Variants in C5 observed in about 807,000 individuals in gnomAD.
The protein encoded by C5 is complement C5.
In C5, 140 loss-of-function variants were observed where a neutral mutation model predicts 218.8. The ratio of observed to expected loss-of-function variants is 0.64; its 90% CI spans 0.56 to 0.74. The LOEUF is 0.74. C5 is among the 30% of genes least tolerant of loss of function. The probability of loss-of-function intolerance (pLI) is 0.00; values close to 1 mark genes in which losing one functional copy is unlikely to be tolerated. For synonymous variants in C5, 614 were observed against 682.3 expected (o/e 0.90, Z 1.56); for missense variants, 1,700 against 1,969.6 (o/e 0.86, Z 2.59).
Position 121,027,173 on chromosome 9 carries a change from A to T in C5, c.860T>A (p.Met287Lys). 1 of 1,567,370 alleles carries T rather than the reference A, an allele frequency of 6.4e-7. No homozygotes were observed. The highest frequency in any genetic ancestry group is 8.8e-7 in the Non-Finnish European group (1 of 1,141,436). Residue 287 changes from methionine (M) to lysine (K), a missense_variant, in exon 8 of 41, where the codon ATG becomes AAG. Coordinates refer to ENST00000223642, the MANE Select transcript of C5 (RefSeq NM_001735.3). ...TTAACATCTTACCATTGTGTTTTGC[A>T]TTGCTGTTTGCATCATTTCTTTTTG... is the stretch of plus-strand genomic sequence containing the variant. ...DDQKEMMQTA[M>K]QNTMLINGIA...
chr9:121,018,712 A>AG (rs1434618721), intron 12 of C5, among the ~76,000 whole-genome samples: 7 of 140,740 alleles, frequency 5.0e-5, no homozygotes, highest in Non-Finnish European at 7.7e-5. Flanking sequence ...AAGAAAGAAA[A>AG]GAAAGAAAGA....
chr9:120,997,789 A>T lies in C5; in HGVS notation c.2563-15T>A, dbSNP rs549648925. 5.9e-4 allele frequency: 942 copies of T among 1,601,950 alleles called. 5 individuals are homozygous for T. The African/African-American group carries it at 0.011, about 19-fold the overall frequency. The stretch of plus-strand genomic sequence containing the variant: ...TTAACACAGAACTGAAATACAAGTG[A>T]AGAATTATATCAAAATACATTTTTT... On this transcript the variant is annotated splice_polypyrimidine_tract_variant and intron_variant, in intron 20 of 40. Transcript: ENST00000223642.
chr9:121,015,855 G>A (rs2047302637), intron 15 of C5, among the ~76,000 whole-genome samples: 1 of 152,160 alleles, frequency 6.6e-6, no homozygotes, highest in South Asian at 2.1e-4. Context: ...TAAATTCTAT[G>A]TGGGGAAGAG....
At chr9:121,022,527 G>A (rs75678136) in intron 10 of C5, among the ~76,000 whole-genome samples, 2,017 of 148,292 alleles carry the variant, frequency 0.014, 42 homozygotes, top group African/African-American at 0.047. Flanking sequence ...ACCTTGCTTT[G>A]GGCTTGGTAA....
In C5 at chr9:120,993,468, G is replaced by A. The variant is rs1419960073; in HGVS notation, c.2852-2188C>T. On this transcript the variant is annotated intron_variant, in intron 22 of 40. Transcript: ENST00000223642. ...GACGGAGTCTCGCTCTGTCGCCCAG[G>A]CTGGAGTGCAGTGGCGTGATCTTGG... 2.6e-5 allele frequency among the ~76,000 whole-genome samples: 4 copies of A among 152,116 alleles called. No individual in the cohort carries two copies. In the East Asian group the frequency reaches 7.7e-4, roughly 29 times the overall value.
Position 120,997,637 on chromosome 9 carries a change from C to A in C5, c.2700G>T (p.Val900=). 1 of 1,614,158 alleles carries A rather than the reference C, an allele frequency of 6.2e-7. No homozygotes were observed. Among genetic ancestry groups the A allele is most frequent in the Non-Finnish European group, 8.5e-7 (1 of 1,180,014 alleles). Residue 900 remains valine (V), a synonymous_variant, in exon 21 of 41, where the codon GTG becomes GTT. Coordinates refer to ENST00000223642, the MANE Select transcript of C5 (RefSeq NM_001735.3). ...GSSSHLVTFT[V]LPLEIGLHNI... ...TGTGAAGGCCAATTTCCAGAGGAAG[C>A]ACAGTGAATGTCACCAAGTGACTGG...
the C5 span, among the ~76,000 whole-genome samples, chr9:121,060,432 T>C: frequency 6.6e-6 from 1 of 152,216 alleles, no homozygotes; most frequent in African/African-American, 2.4e-5. Flanking sequence ...ATGCGATCTT[T>C]CTTAGCACTG....
At chr9:121,005,841 T>A in intron 20 of C5, 78 bp downstream of exon 20, 1 of 1,435,612 alleles carries the variant, frequency 7.0e-7, no homozygotes, top group Non-Finnish European at 9.8e-7. Context: ...CTTTTTTGTG[T>A]ATGGTAATTC....
At chr9:120,979,571 T>C (rs1367043096) in intron 28 of C5, 1 of 175,142 alleles carries the variant, frequency 5.7e-6, no homozygotes, top group Non-Finnish European at 1.2e-5. Context: ...CATAGGATAC[T>C]CAATGCATAT....
At chr9:121,014,187 A>G in intron 16 of C5, 117 bp from the exon 17 acceptor site, 2 of 829,784 alleles carry the variant, frequency 2.4e-6, no homozygotes, top group Non-Finnish European at 4.0e-6. Context: ...TACCCACAAT[A>G]GTTATGGCTA....
chr9:120,973,342 C>A (rs551093783), intron 30 of C5, among the ~76,000 whole-genome samples: 1 of 152,316 alleles, frequency 6.6e-6, no homozygotes, highest in South Asian at 2.1e-4. Context: ...AGACTCAGAA[C>A]ATGAATCTCC....
intron 1 of C5, among the ~76,000 whole-genome samples, chr9:121,047,261 G>A (rs10739585): frequency 2.0e-5 from 3 of 151,964 alleles, no homozygotes. Flanking sequence ...GCCTTTATAT[G>A]AGTTCTCAGT....
chr9:120,953,662 G>A (rs2046763646), intron 40 of C5, 68 bp downstream of exon 40: 8 of 1,460,642 alleles, frequency 5.5e-6, no homozygotes, highest in African/African-American at 1.4e-5. Flanking sequence ...AACACGTAGT[G>A]TATTTAAGAA....
At chr9:120,968,620 A>AGCCCG (rs1564133966) in intron 33 of C5, among the ~76,000 whole-genome samples, 1 of 152,148 alleles carries the variant, frequency 6.6e-6, no homozygotes, top group Non-Finnish European at 1.5e-5. Context: ...TGACCTCTGG[A>AGCCCG]GCCCGGGACA....
At chr9:120,985,428 G>A (rs1460109396) in intron 25 of C5, among the ~76,000 whole-genome samples, 1 of 152,066 alleles carries the variant, frequency 6.6e-6, no homozygotes, top group Non-Finnish European at 1.5e-5. Flanking sequence ...CATTCCTTAT[G>A]TTCCAGCAAT....
At chr9:121,060,964 G>C in the C5 span, among the ~76,000 whole-genome samples, 1 of 152,146 alleles carries the variant, frequency 6.6e-6, no homozygotes, top group Non-Finnish European at 1.5e-5. Flanking sequence ...GAGGCAGGCA[G>C]ATCACCTGAG....
At chr9:120,986,429 T>C (rs1451726202) in intron 25 of C5, among the ~76,000 whole-genome samples, 4 of 151,952 alleles carry the variant, frequency 2.6e-5, no homozygotes, top group Non-Finnish European at 1.5e-5. Flanking sequence ...TTTGCTAATA[T>C]GAATGATATT....
At position 121,028,138 on chromosome 9, in the gene C5, A is replaced by T. The variant is rs1365066717; in HGVS notation, c.759-864T>A. On this transcript the variant is annotated intron_variant, in intron 7 of 40. Coordinates refer to ENST00000223642, the MANE Select transcript of C5 (RefSeq NM_001735.3). ...TCAGAGAAATGCAAATCAAAACCAC[A>T]ATGAGATACCATCTCACACCAGTTA... Among the ~76,000 whole-genome samples, 23 of 152,376 alleles carry T rather than the reference A, an allele frequency of 1.5e-4. No individual in the cohort carries two copies. In the East Asian group the frequency reaches 3.9e-3, roughly 26 times the overall value.
intron 20 of C5, among the ~76,000 whole-genome samples, chr9:121,002,312 GTGTGTATATATA>G (rs1417305479): frequency 1.5e-5 from 1 of 64,698 alleles, no homozygotes; most frequent in African/African-American, 5.4e-5. Flanking sequence ...ATATATATGT[GTGTGTATATATA>G]TATATATATA....
Sources: allele counts gnomAD v4.1 joint callset (sites outside exome capture counted in the v4.1 genomes callset), GRCh38; gene constraint gnomAD v4.1.1; transcripts MANE v1.5; gene names NCBI Gene and HGNC (gene_info 2026-07-23, HGNC 2026-07-21).